Variants in STXBP3 observed in about 807,000 individuals in gnomAD.
STXBP3 encodes the protein syntaxin binding protein 3.
A neutral mutation model predicts 85.7 loss-of-function variants in STXBP3; 41 were observed. The observed-to-expected ratio is 0.48, with a 90% CI of 0.37 to 0.62. The LOEUF (loss-of-function observed/expected upper bound fraction) is 0.62. Ranked by LOEUF, STXBP3 falls within the 20% of genes least tolerant of loss-of-function variation. STXBP3 has a pLI of 0.00. For synonymous variants in STXBP3, 229 were observed against 231.7 expected (o/e 0.99, Z 0.10); for missense variants, 563 against 703.1 (o/e 0.80, Z 2.25).
At chr1:108,782,964 G>A (rs904424546) in intron 11 of STXBP3, among the ~76,000 whole-genome samples, 5 of 152,080 alleles carry the variant, frequency 3.3e-5, no homozygotes, top group Admixed American at 6.6e-5. Context: ...GTGCAGTTGC[G>A]CCATCTCAGC....
intron 11 of STXBP3, among the ~76,000 whole-genome samples, chr1:108,788,102 T>C (rs1657944678): frequency 6.6e-6 from 1 of 152,208 alleles, no homozygotes; most frequent in Non-Finnish European, 1.5e-5. Context: ...TGTTTCTGTT[T>C]TCTTTTAATC....
chr1:108,796,194 T>A (rs747720428), intron 13 of STXBP3, 40 bp from the exon 14 acceptor site: 5 of 1,589,426 alleles, frequency 3.1e-6, no homozygotes, highest in Non-Finnish European at 4.3e-6. Flanking sequence ...AAAAATGAAT[T>A]TTGGTTATAG....
intron 9 of STXBP3, 152 bp downstream of exon 9, chr1:108,779,562 C>A: frequency 1.3e-6 from 1 of 781,598 alleles, no homozygotes. Context: ...CAGTTATAGT[C>A]TTTGACAGAT....
At position 108,794,880 on chromosome 1, in the gene STXBP3, T is replaced by A. The variant is rs1485560969; in HGVS notation, c.1083T>A (p.Asn361Lys). 2 of 1,609,276 alleles carry A rather than the reference T, an allele frequency of 1.2e-6. No individual in the cohort carries two copies. The highest frequency in any genetic ancestry group is 1.7e-6 in the Non-Finnish European group (2 of 1,177,390). ...ATTGCATGAATAAGTTCAAGCTTAATATAGAAAAGCTCTGCAAAACTGAAC... is the reference window on the plus strand; with the variant it reads ...ATTGCATGAATAAGTTCAAGCTTAAAATAGAAAAGCTCTGCAAAACTGAAC... Reference protein sequence around the residue: ...AEDCMNKFKLNIEKLCKTEQD... With the variant: ...AEDCMNKFKLKIEKLCKTEQD... Residue 361 changes from asparagine (N) to lysine (K), a missense_variant, in exon 13 of 19, where the codon AAT (asparagine) becomes AAA (lysine). Coordinates refer to ENST00000370008, the MANE Select transcript of STXBP3 (RefSeq NM_007269.4).
Position 108,760,226 on chromosome 1 carries a change from A to G in STXBP3, c.438+141A>G, listed in dbSNP as rs1662108759. 1.9e-5 allele frequency: 10 copies of G among 522,508 alleles called. No individual in the cohort carries two copies. In the South Asian group the frequency reaches 2.4e-4, roughly 12 times the overall value. The allele number at this position is 522,508 out of a possible 1,614,324, so 32.4% of individuals were successfully genotyped here. ...CCTAATCCACAAATAGACATTTCCC[A>G]TGATGAAGTCAGACGCGTGAGCAAT... On this transcript the variant is annotated intron_variant, in intron 6 of 18. Transcript: ENST00000370008.
intron 16 of STXBP3, among the ~76,000 whole-genome samples, chr1:108,798,620 T>C (rs1424093780): frequency 1.3e-5 from 2 of 152,036 alleles, no homozygotes; most frequent in African/African-American, 4.8e-5. Context: ...TTCACTATGT[T>C]GGCCAGGCTG....
intron 3 of STXBP3, 132 bp downstream of exon 3, chr1:108,753,276 T>G: frequency 1.9e-6 from 1 of 540,332 alleles, no homozygotes. Context: ...CTATTAGATT[T>G]AACATTCTTT....
At chr1:108,795,902 G>C (rs912924747) in intron 13 of STXBP3, among the ~76,000 whole-genome samples, 3 of 152,084 alleles carry the variant, frequency 2.0e-5, no homozygotes, top group Non-Finnish European at 4.4e-5. Context: ...TTTCGCTCTT[G>C]TTGCCCAGGC....
At position 108,776,308 on chromosome 1, in the gene STXBP3, G is replaced by C. The variant is rs139994474; in HGVS notation, c.594-25G>C. ...AGTATACACTGAAAGAAAGATAATT[G>C]TTTGATCCTTTTTTCCATTTCTAGT... On this transcript the variant is annotated intron_variant, in intron 7 of 18. Coordinates refer to ENST00000370008, the MANE Select transcript of STXBP3 (RefSeq NM_007269.4). The C allele has an allele frequency of 2.7e-4, 410 of 1,521,608 alleles. No homozygotes were observed. In the African/African-American group the frequency reaches 5.1e-3, roughly 19 times the overall value. 94.3% of individuals were successfully genotyped at this position (1,521,608 alleles called of 1,614,324 possible).
At chr1:108,780,470 G>C (rs1291933211) in intron 9 of STXBP3, 1 of 150,548 alleles carries the variant, frequency 6.6e-6, no homozygotes, top group Non-Finnish European at 1.5e-5. Flanking sequence ...AAAACATTCA[G>C]AGATAAGAAT....
chr1:108,789,910 A>T (rs1460192815), intron 11 of STXBP3, among the ~76,000 whole-genome samples: 1 of 151,686 alleles, frequency 6.6e-6, no homozygotes, highest in Non-Finnish European at 1.5e-5. Flanking sequence ...TACTAAAAAT[A>T]CAAAAATTAG....
At chr1:108,748,978 C>G (rs993523116) in intron 1 of STXBP3, among the ~76,000 whole-genome samples, 1 of 152,060 alleles carries the variant, frequency 6.6e-6, no homozygotes, top group Admixed American at 6.6e-5. Context: ...GAGGGAATTT[C>G]GAGGTGTGTA....
In STXBP3 at chr1:108,772,828, C is replaced by A. The variant is rs1199917486; in HGVS notation, c.593+9C>A. The stretch of plus-strand genomic sequence containing the variant: ...GGAGTAAGATATAAAAGGTAAGACA[C>A]TGAGCATCTGCACATGTTATGCTTC... On this transcript the variant is annotated intron_variant, in intron 7 of 18. Coordinates refer to ENST00000370008, the MANE Select transcript of STXBP3 (RefSeq NM_007269.4). The A allele has an allele frequency of 1.3e-6, 2 of 1,575,402 alleles. No homozygotes were observed. The highest frequency in any genetic ancestry group is 1.7e-6 in the Non-Finnish European group (2 of 1,157,966).
At position 108,807,485 on chromosome 1, in the gene STXBP3, A is replaced by G. The variant is rs1175057497; in HGVS notation, c.1620A>G (p.Thr540=). 8 of 1,613,678 alleles carry G rather than the reference A, an allele frequency of 5.0e-6. No homozygotes were observed. The East Asian group carries it at 8.9e-5, about 18-fold the overall frequency. ...KLIVFVIGGI[T]YSEVRCAYEV... is the part of the protein sequence containing the mutation. ...TTGTTTTTGTAATTGGAGGGATCAC[A>G]TACTCTGAAGTGCGTTGTGCTTATG... The change falls in exon 18 of 19, where the codon ACA becomes ACG. Residue 540 remains threonine, a synonymous_variant. Coordinates refer to ENST00000370008, the MANE Select transcript of STXBP3 (RefSeq NM_007269.4).
chr1:108,781,230 A>T (rs992509277), intron 9 of STXBP3: 4 of 152,230 alleles, frequency 2.6e-5, no homozygotes, highest in Non-Finnish European at 5.9e-5. Context: ...TCTGTAATCC[A>T]CACAGGTGGA....
At chr1:108,776,478 T>C in intron 8 of STXBP3, 55 bp downstream of exon 8, 1 of 1,347,058 alleles carries the variant, frequency 7.4e-7, no homozygotes, top group Non-Finnish European at 1.0e-6. Context: ...TATTTCTTTA[T>C]AAGCCAAAGA....
intron 9 of STXBP3, chr1:108,780,611 C>T (rs892696062): frequency 6.6e-6 from 1 of 150,392 alleles, no homozygotes; most frequent in Non-Finnish European, 1.5e-5. Flanking sequence ...TCAGGTGATC[C>T]CCCTGCCTCG....
At chr1:108,756,432 T>G (rs929945270) in intron 3 of STXBP3, among the ~76,000 whole-genome samples, 8 of 152,150 alleles carry the variant, frequency 5.3e-5, no homozygotes, top group African/African-American at 1.9e-4. Flanking sequence ...GAAAATGAAT[T>G]ATTAATTTAA....
intron 7 of STXBP3, among the ~76,000 whole-genome samples, chr1:108,775,925 AC>A (rs1662581580): frequency 7.0e-5 from 1 of 14,364 alleles, no homozygotes; most frequent in East Asian, 3.4e-4. Context: ...TCTCAAACAC[AC>A]ACACACACAC....
Sources: allele counts gnomAD v4.1 joint callset (sites outside exome capture counted in the v4.1 genomes callset), GRCh38; gene constraint gnomAD v4.1.1; transcripts MANE v1.5; gene names NCBI Gene and HGNC (gene_info 2026-07-23, HGNC 2026-07-21).